Variants in SPIB observed in about 807,000 individuals in gnomAD.
SPIB encodes the protein transcription factor Spi-B.
In SPIB, 7 loss-of-function variants were observed where a neutral mutation model predicts 31.9. The ratio of observed to expected loss-of-function variants is 0.22; its 90% CI spans 0.12 to 0.41. SPIB has a LOEUF of 0.41. Ranked by LOEUF, SPIB falls within the 10% of genes least tolerant of loss-of-function variation. The pLI, the probability that SPIB is intolerant of heterozygous loss-of-function variation, is 1.00. For synonymous variants in SPIB, 176 were observed against 158.9 expected, an observed-to-expected ratio of 1.11 and a Z score of -0.81; for missense variants, 327 against 360.2, an observed-to-expected ratio of 0.91 and a Z score of 0.75.
At chr19:50,423,460 CG>C in intron 4 of SPIB, 144 bp from the exon 5 acceptor site, 1 of 1,064,994 alleles carries the variant, frequency 9.4e-7, no homozygotes. Flanking sequence ...CTGGCCACAG[CG>C]TGGTGATCTG....
At chr19:50,423,513 A>G in intron 4 of SPIB, 92 bp from the exon 5 acceptor site, 1 of 1,521,230 alleles carries the variant, frequency 6.6e-7, no homozygotes. Flanking sequence ...GAGGGAGACC[A>G]GAGCCAGGAG....
intron 5 of SPIB, among the ~76,000 whole-genome samples, chr19:50,427,492 T>C (rs1016831199): frequency 4.6e-5 from 7 of 152,142 alleles, no homozygotes; most frequent in Admixed American, 4.6e-4. Flanking sequence ...GCCATTGCAC[T>C]CCAGCCTGGG....
chr19:50,419,997 A>G, intron 2 of SPIB, 24 bp downstream of exon 2: 1 of 1,450,336 alleles, frequency 6.9e-7, no homozygotes, highest in South Asian at 1.5e-5. Context: ...CCTGGGGGCC[A>G]GGGAGGGGTG....
At position 50,429,619 on chromosome 19, in the gene SPIB, A is replaced by C. The variant is rs1246854414; in HGVS notation, c.*1283A>C. 6.6e-6 allele frequency: 1 copy of C among 152,360 alleles called. No homozygotes were observed. Among genetic ancestry groups the C allele is most frequent in the African/African-American group, 2.4e-5 (1 of 41,434 alleles). 9.4% of individuals were successfully genotyped at this position (152,360 alleles called of 1,614,324 possible). ...CTGCTCAGGAGGCTGAGGTGGGAGG[A>C]TCTCTTGAGCCCAGGAAGTAGGAGG... On this transcript the variant is annotated 3_prime_UTR_variant, in exon 6 of 6. Transcript: ENST00000595883.
In SPIB at chr19:50,419,989, TG is replaced by T; in HGVS notation, c.51+21del. The T allele has an allele frequency of 2.7e-6, 4 of 1,463,276 alleles. No homozygotes were observed. Among genetic ancestry groups the T allele is most frequent in the Non-Finnish European group, 2.7e-6 (3 of 1,111,328 alleles). The allele number at this position is 1,463,276 out of a possible 1,614,324, so 90.6% of individuals were successfully genotyped here. ...CAGCTGTCTGGTGAGTTGGGGCCCC[TG>T]GGGGCCAGGGAGGGGTGGCCCACAG... On this transcript the variant is annotated intron_variant, in intron 2 of 5. Coordinates refer to ENST00000595883, the MANE Select transcript of SPIB (RefSeq NM_003121.5).
rs781570702 is a variant in SPIB at position 50,428,273 on chromosome 19, G to A, written c.726G>A (p.Lys242=). ...ACGCCAAGACCGGCGAGATCCGCAAGGTCAAGCGCAAGCTCACCTACCAGT... is the reference window on the plus strand; with the variant it reads ...ACGCCAAGACCGGCGAGATCCGCAAAGTCAAGCGCAAGCTCACCTACCAGT... ...RNYAKTGEIR[K]VKRKLTYQFD... Residue 242 remains lysine (K), a synonymous_variant, in exon 6 of 6, where the codon AAG becomes AAA. Coordinates refer to ENST00000595883, the MANE Select transcript of SPIB (RefSeq NM_003121.5). The surrounding 1 kb of genome is among the most constrained non-coding windows in gnomAD (Gnocchi z 6.5). The A allele has an allele frequency of 6.4e-7, 1 of 1,552,112 alleles. No homozygotes were observed. Among genetic ancestry groups the A allele is most frequent in the Non-Finnish European group, 8.7e-7 (1 of 1,147,388 alleles).
chr19:50,426,891 A>C (rs1266405035), intron 5 of SPIB, among the ~76,000 whole-genome samples: 2 of 151,932 alleles, frequency 1.3e-5, no homozygotes, highest in African/African-American at 4.8e-5. Context: ...GCATTTTGGG[A>C]GGCCGAGGTG....
Position 50,419,935 on chromosome 19 carries a change from T to TC in SPIB, c.24-6dup. On this transcript the variant is annotated splice_polypyrimidine_tract_variant and intron_variant, in intron 1 of 5. Coordinates refer to ENST00000595883, the MANE Select transcript of SPIB (RefSeq NM_003121.5). The stretch of plus-strand genomic sequence containing the variant: ...CAGCCTCAGCATGCCCCTGTGTCTC[T>TC]CCCCCTCCAGGCTCGACGGGCCACA... The TC allele has an allele frequency of 6.5e-7, 1 of 1,536,200 alleles. No individual in the cohort carries two copies.
In SPIB at chr19:50,421,460, C is replaced by T. The variant is rs1469958590; in HGVS notation, c.52-1013C>T. ...GCCTCAGCCTCCCAAGTAGCTGGGACTACAGGTGCGCACCACCATGCCTGG... is the reference window on the plus strand; with the variant it reads ...GCCTCAGCCTCCCAAGTAGCTGGGATTACAGGTGCGCACCACCATGCCTGG... On this transcript the variant is annotated intron_variant, in intron 2 of 5. Transcript: ENST00000595883. Among the ~76,000 whole-genome samples, 6 of 150,050 alleles carry T rather than the reference C, an allele frequency of 4.0e-5. 1 individual carries two copies. The highest frequency in any genetic ancestry group is 8.9e-5 in the Non-Finnish European group (6 of 67,404).
At chr19:50,419,204 C>T (rs2039451788) in intron 1 of SPIB, among the ~76,000 whole-genome samples, 1 of 152,180 alleles carries the variant, frequency 6.6e-6, no homozygotes, top group African/African-American at 2.4e-5. Flanking sequence ...CCAAAGATCT[C>T]ATTTCCCCAG....
In SPIB at chr19:50,427,612, G is replaced by C. The variant is rs1039907357; in HGVS notation, c.491-426G>C. ...CCCGCTTTGGGCTGAGAGGCTGGGA[G>C]ACCAGGAGCTGGAGAGATAGCCAGG... On this transcript the variant is annotated intron_variant, in intron 5 of 5. Coordinates refer to ENST00000595883, the MANE Select transcript of SPIB (RefSeq NM_003121.5). 4.6e-5 allele frequency among the ~76,000 whole-genome samples: 7 copies of C among 152,232 alleles called. No individual in the cohort carries two copies. In the East Asian group the frequency reaches 1.3e-3, roughly 29 times the overall value.
intron 2 of SPIB, among the ~76,000 whole-genome samples, chr19:50,421,012 G>A (rs546818950): frequency 6.6e-6 from 1 of 152,334 alleles, no homozygotes; most frequent in African/African-American, 2.4e-5. Context: ...TGAAGTGTGT[G>A]TCAGTGTTTG....
At chr19:50,420,504 G>C (rs767510487) in intron 2 of SPIB, among the ~76,000 whole-genome samples, 31 of 152,166 alleles carry the variant, frequency 2.0e-4, no homozygotes, top group Non-Finnish European at 4.1e-4. Context: ...ACACCGTGTA[G>C]CCACAAGCCA....
chr19:50,420,202 A>G (rs915311162), intron 2 of SPIB, among the ~76,000 whole-genome samples: 2 of 152,054 alleles, frequency 1.3e-5, no homozygotes, highest in Non-Finnish European at 2.9e-5. Flanking sequence ...TGCCCATCCC[A>G]TATTCAGACA....
At chr19:50,425,654 T>G (rs2039555742) in intron 5 of SPIB, among the ~76,000 whole-genome samples, 1 of 152,126 alleles carries the variant, frequency 6.6e-6, no homozygotes, top group Non-Finnish European at 1.5e-5. Context: ...TTGCCCAGGC[T>G]GAACTCCCAA....
In SPIB at chr19:50,425,665, C is replaced by T. The variant is rs1345546512; in HGVS notation, c.490+1910C>T. On this transcript the variant is annotated intron_variant, in intron 5 of 5. Coordinates refer to ENST00000595883, the MANE Select transcript of SPIB (RefSeq NM_003121.5). ...TATGTTGCCCAGGCTGAACTCCCAA[C>T]TCCTGAGCCTATGTGCTCCTCCCAC... Among the ~76,000 whole-genome samples the T allele has an allele frequency of 2.6e-5, 4 of 152,176 alleles. 1 individual carries two copies. The South Asian group carries it at 8.3e-4, about 31-fold the overall frequency.
rs1274616 is a variant in SPIB, at chr19:50,430,754, A to G, written c.*2418A>G. The G allele has an allele frequency of 0.019, 2,905 of 152,294 alleles. 101 individuals are homozygous for G. Among genetic ancestry groups the G allele is most frequent in the African/African-American group, 0.064 (2,660 of 41,448 alleles). The allele number at this position is 152,294 out of a possible 1,614,324, so 9.4% of individuals were successfully genotyped here. On this transcript the variant is annotated 3_prime_UTR_variant, in exon 6 of 6. Transcript: ENST00000595883. ...CGAAACTCCGTCTCAAAAAAAAAAA[A>G]CTGTTGCAGCCCCGTTGAGCCTTTG... is the stretch of plus-strand genomic sequence containing the variant.
rs2039591144 is a variant in SPIB at position 50,428,024 on chromosome 19, C to T, written c.491-14C>T. 3.3e-6 allele frequency: 5 copies of T among 1,496,992 alleles called. No homozygotes were observed. Among genetic ancestry groups the T allele is most frequent in the Non-Finnish European group, 4.5e-6 (5 of 1,116,004 alleles). 92.7% of individuals were successfully genotyped at this position (1,496,992 alleles called of 1,614,324 possible). ...GGACCCCTCACCTAACGCGTGCCCC[C>T]GACCCCACCGCAGGGACTCGCAAGA... On this transcript the variant is annotated splice_polypyrimidine_tract_variant and intron_variant, in intron 5 of 5. Transcript: ENST00000595883. The surrounding 1 kb of genome is among the most constrained non-coding windows in gnomAD (Gnocchi z 6.5).
intron 1 of SPIB, 60 bp from the exon 2 acceptor site, chr19:50,419,886 C>CT: frequency 6.6e-7 from 1 of 1,515,768 alleles, no homozygotes; most frequent in Non-Finnish European, 8.8e-7. Context: ...CCCCCAACCA[C>CT]TTTGAGATTC....
Sources: allele counts gnomAD v4.1 joint callset (sites outside exome capture counted in the v4.1 genomes callset), GRCh38; gene constraint gnomAD v4.1.1; non-coding constraint Gnocchi (gnomAD v3.1); transcripts MANE v1.5; gene names NCBI Gene and HGNC (gene_info 2026-07-23, HGNC 2026-07-21).